The following MACROD2 variants were observed in gnomAD, a reference collection of about 807,000 sequenced individuals.
The protein encoded by MACROD2 is ADP-ribose glycohydrolase MACROD2.
Under a neutral mutation model 70.4 loss-of-function variants are expected in MACROD2, and 36 were observed. That is an observed-to-expected ratio of 0.51 (90% CI 0.39 to 0.68). The LOEUF (loss-of-function observed/expected upper bound fraction) is 0.68. Among genes scored for constraint, MACROD2 ranks in the 30% least tolerant of loss-of-function variants. MACROD2 has a pLI of 0.00. For synonymous variants in MACROD2, 172 were observed against 178.8 expected, an observed-to-expected ratio of 0.96 and a Z score of 0.30; for missense variants, 496 against 538.4, an observed-to-expected ratio of 0.92 and a Z score of 0.78.
chr20:15,198,198 AT>A (rs1257737395), intron 5 of MACROD2, among the ~76,000 whole-genome samples: 3 of 151,904 alleles, frequency 2.0e-5, no homozygotes, highest in Non-Finnish European at 2.9e-5. Context: ...TGACCTCGTG[AT>A]CCACCCGCCT....
intron 3 of MACROD2, among the ~76,000 whole-genome samples, chr20:14,368,538 G>A (rs992217222): frequency 2.0e-5 from 3 of 150,488 alleles, no homozygotes; most frequent in African/African-American, 7.3e-5. Context: ...GCGAGACTCT[G>A]TCTCAAAAAA....
At chr20:15,188,088 C>T (rs1328909059) in intron 5 of MACROD2, among the ~76,000 whole-genome samples, 1 of 152,148 alleles carries the variant, frequency 6.6e-6, no homozygotes, top group Admixed American at 6.5e-5. Flanking sequence ...AATGGTAAGA[C>T]AGCCATCATC....
rs2077727395 is a variant in MACROD2 at position 15,309,203 on chromosome 20, G to C, written c.540+79142G>C. Among the ~76,000 whole-genome samples, 3 of 152,282 alleles carry C rather than the reference G, an allele frequency of 2.0e-5. No individual in the cohort carries two copies. In the South Asian group the frequency reaches 6.2e-4, roughly 32 times the overall value. On this transcript the variant is annotated intron_variant, in intron 6 of 17. Coordinates refer to ENST00000684519, the MANE Select transcript of MACROD2 (RefSeq NM_001351661.2). ...AAACTCATGTGTTCAACAACCAGTT[G>C]AGAAAAATCTTATAGATTAAATGTG...
At chr20:15,228,292 A>T (rs1178628132) in intron 5 of MACROD2, among the ~76,000 whole-genome samples, 1 of 152,108 alleles carries the variant, frequency 6.6e-6, no homozygotes, top group Admixed American at 6.5e-5. Flanking sequence ...ATCTGCGTGA[A>T]CTTATTAGTG....
intron 3 of MACROD2, among the ~76,000 whole-genome samples, chr20:14,135,066 C>T (rs2054776806): frequency 6.6e-6 from 1 of 151,968 alleles, no homozygotes; most frequent in Non-Finnish European, 1.5e-5. Flanking sequence ...TATAAATTCC[C>T]ATTTACTGTG....
At chr20:15,175,851 A>G (rs1273993150) in intron 5 of MACROD2, among the ~76,000 whole-genome samples, 1 of 152,280 alleles carries the variant, frequency 6.6e-6, no homozygotes, top group Admixed American at 6.5e-5. Flanking sequence ...CGGGAGCCCC[A>G]GCCCCTACCA....
chr20:14,334,636 T>C (rs1006495306), intron 3 of MACROD2, among the ~76,000 whole-genome samples: 1 of 106,578 alleles, frequency 9.4e-6, no homozygotes, highest in Admixed American at 1.4e-4. Context: ...AGAAGAACAG[T>C]GAAGGCCTCT....
At chr20:15,501,561 T>G (rs2047365041) in intron 8 of MACROD2, among the ~76,000 whole-genome samples, 1 of 152,222 alleles carries the variant, frequency 6.6e-6, no homozygotes, top group South Asian at 2.1e-4. Flanking sequence ...TTGCCTACCC[T>G]ATCTTTGAGT....
intron 6 of MACROD2, among the ~76,000 whole-genome samples, chr20:15,400,745 T>G (rs6043253): frequency 0.042 from 6,335 of 152,234 alleles, 410 homozygotes; most frequent in African/African-American, 0.14. Context: ...TCCCAATAAA[T>G]GAACACATTT....
intron 8 of MACROD2, among the ~76,000 whole-genome samples, chr20:15,777,802 A>G (rs1332515086): frequency 1.3e-5 from 2 of 151,936 alleles, no homozygotes; most frequent in Non-Finnish European, 2.9e-5. Flanking sequence ...GAGCCATCAC[A>G]CATGGCTAAT....
At chr20:14,888,136 C>T (rs940448571) in intron 5 of MACROD2, 1 of 152,094 alleles carries the variant, frequency 6.6e-6, no homozygotes, top group African/African-American at 2.4e-5. Context: ...TTTCTCACTC[C>T]ATCTAGACAC....
intron 5 of MACROD2, among the ~76,000 whole-genome samples, chr20:15,198,323 A>G (rs1364162603): frequency 6.6e-6 from 1 of 152,076 alleles, no homozygotes; most frequent in Admixed American, 6.6e-5. Flanking sequence ...GAAGTTTCCA[A>G]TTTTTAAAAG....
At chr20:15,386,589 T>C (rs1168768222) in intron 6 of MACROD2, among the ~76,000 whole-genome samples, 14 of 152,210 alleles carry the variant, frequency 9.2e-5, no homozygotes, top group Non-Finnish European at 8.8e-5. Context: ...CCAGGGCTGA[T>C]GAAAATGCCA....
At chr20:15,162,261 G>A (rs1220262264) in intron 5 of MACROD2, among the ~76,000 whole-genome samples, 1 of 152,068 alleles carries the variant, frequency 6.6e-6, no homozygotes. Flanking sequence ...AGTGGTAGGA[G>A]TGGTAAGTAA....
chr20:14,094,351 T>C (rs904645991), intron 3 of MACROD2, among the ~76,000 whole-genome samples: 7 of 152,166 alleles, frequency 4.6e-5, no homozygotes, highest in Admixed American at 6.5e-5. Context: ...AGAATCAAAG[T>C]GTATTTGTTC....
chr20:14,609,804 T>C (rs1218531990), intron 4 of MACROD2, among the ~76,000 whole-genome samples: 2 of 152,122 alleles, frequency 1.3e-5, no homozygotes, highest in Non-Finnish European at 2.9e-5. Flanking sequence ...ATAACAGGAC[T>C]GTCTGGGGTC....
At chr20:14,182,550 T>C (rs1389408955) in intron 3 of MACROD2, among the ~76,000 whole-genome samples, 1 of 152,162 alleles carries the variant, frequency 6.6e-6, no homozygotes, top group Non-Finnish European at 1.5e-5. Flanking sequence ...AACTATTGCC[T>C]AATTCAGGGT....
intron 3 of MACROD2, among the ~76,000 whole-genome samples, chr20:14,314,276 G>T (rs989460423): frequency 1.3e-5 from 2 of 152,134 alleles, no homozygotes; most frequent in African/African-American, 4.8e-5. Context: ...TGTGTTGGGG[G>T]AGAGAGAGAA....
At chr20:14,663,409 T>A (rs1986327932) in intron 4 of MACROD2, among the ~76,000 whole-genome samples, 1 of 151,774 alleles carries the variant, frequency 6.6e-6, no homozygotes. Flanking sequence ...GATGAAATAA[T>A]CTGTACAACA....
Sources: allele counts gnomAD v4.1 joint callset (sites outside exome capture counted in the v4.1 genomes callset), GRCh38; gene constraint gnomAD v4.1.1; transcripts MANE v1.5; gene names NCBI Gene and HGNC (gene_info 2026-07-23, HGNC 2026-07-21).